Variants in IL5RA observed in about 807,000 individuals in gnomAD.
The protein encoded by IL5RA is interleukin 5 receptor subunit alpha.
IL5RA carries 49 observed loss-of-function variants against 50.0 expected under a neutral mutation model. The observed-to-expected ratio is 0.98, with a 90% CI of 0.78 to 1.24. The LOEUF (loss-of-function observed/expected upper bound fraction) is 1.24, where lower values mean the gene tolerates loss of function less well. IL5RA is among the 50% of genes most tolerant of loss of function. The pLI is 0.00. For missense variants in IL5RA, 600 were observed against 500.4 expected, an observed-to-expected ratio of 1.20 and a Z score of -1.90; for synonymous variants, 202 against 174.0, an observed-to-expected ratio of 1.16 and a Z score of -1.26.
At chr3:3,078,011 C>T (rs1187948719) in intron 9 of IL5RA, among the ~76,000 whole-genome samples, 1 of 152,124 alleles carries the variant, frequency 6.6e-6, no homozygotes, top group Non-Finnish European at 1.5e-5. Context: ...TACTGGGATT[C>T]AGTGGTCGAA....
chr3:3,090,151 A>G (rs1484201662), intron 9 of IL5RA: 2 of 1,549,502 alleles, frequency 1.3e-6, no homozygotes, highest in East Asian at 4.5e-5. Flanking sequence ...GGCAAAATAA[A>G]TAAAAATTAA....
rs1160283624 is a variant in IL5RA, at chr3:3,067,860, C to G, written c.*2365G>C. ...AGTCTGAAGTGGGCACCACACCAAG[C>G]ACTGAAGAGCTGGCCACATTTGTGG... On this transcript the variant is annotated 3_prime_UTR_variant, in exon 12 of 12. Coordinates refer to ENST00000446632, the MANE Select transcript of IL5RA (RefSeq NM_175726.4). 6.6e-6 allele frequency: 1 copy of G among 152,314 alleles called. No individual in the cohort carries two copies. Among genetic ancestry groups the G allele is most frequent in the Non-Finnish European group, 1.5e-5 (1 of 68,128 alleles). 9.4% of individuals were successfully genotyped at this position (152,314 alleles called of 1,614,324 possible). A position where few individuals can be genotyped will look rare whatever the true frequency, so the allele number is the denominator to read the frequency against.
At position 3,102,667 on chromosome 3, in the gene IL5RA, A is replaced by T; in HGVS notation, c.228+8T>A. On this transcript the variant is annotated splice_region_variant and intron_variant, in intron 4 of 11. Coordinates refer to ENST00000446632, the MANE Select transcript of IL5RA (RefSeq NM_175726.4). ...TCAATAAGGATATCCATTAGAATAA[A>T]CACTTACGTCATCTTCTTTTGGAGC... 2 of 1,558,704 alleles carry T rather than the reference A, an allele frequency of 1.3e-6. No homozygotes were observed. Among genetic ancestry groups the T allele is most frequent in the South Asian group, 1.2e-5 (1 of 85,738 alleles).
intron 8 of IL5RA, among the ~76,000 whole-genome samples, chr3:3,093,221 T>C (rs766645624): frequency 2.8e-4 from 42 of 152,180 alleles, no homozygotes; most frequent in Admixed American, 3.3e-4. Flanking sequence ...GCATTGGTCT[T>C]ATGTCCAGGC....
intron 9 of IL5RA, among the ~76,000 whole-genome samples, chr3:3,079,086 C>T (rs57638428): frequency 1.4e-4 from 21 of 152,262 alleles, no homozygotes; most frequent in African/African-American, 3.8e-4. Flanking sequence ...ATTTTAATTT[C>T]GATTGGCCCT....
Position 3,076,646 on chromosome 3 carries a change from G to A in IL5RA, c.995-19C>T, listed in dbSNP as rs1208355389. On this transcript the variant is annotated intron_variant, in intron 9 of 11. Transcript: ENST00000446632. The stretch of plus-strand genomic sequence containing the variant: ...TCATTTCCTGGTGGAAAACAAAAAA[G>A]AAACAAAAAAATATAAAGTCCAAGT... 7 of 1,517,062 alleles carry A rather than the reference G, an allele frequency of 4.6e-6. No homozygotes were observed. In the Admixed American group the frequency reaches 5.3e-5, roughly 12 times the overall value. The allele number at this position is 1,517,062 out of a possible 1,614,324, so 94.0% of individuals were successfully genotyped here. A position where few individuals can be genotyped will look rare whatever the true frequency, so the allele number is the denominator to read the frequency against.
chr3:3,076,421 A>G, intron 10 of IL5RA, 110 bp downstream of exon 10: 1 of 706,942 alleles, frequency 1.4e-6, no homozygotes, highest in Non-Finnish European at 2.4e-6. Context: ...CAAAAATGCC[A>G]CAAATTTTAC....
At chr3:3,085,087 GC>G (rs958474901) in intron 9 of IL5RA, among the ~76,000 whole-genome samples, 96 of 152,298 alleles carry the variant, frequency 6.3e-4, no homozygotes, top group African/African-American at 2.1e-3. Context: ...GAGGCAGTCC[GC>G]CCCCCCTGGT....
chr3:3,102,719 T>A lies in IL5RA; in HGVS notation c.184A>T (p.Asn62Tyr), dbSNP rs180877685. ...PNPDQEQRNV[N>Y]LEYQVKINAP... The stretch of plus-strand genomic sequence containing the variant: ...TTTATTTTCACTTGATATTCTAGAT[T>A]AACATTCCTTTGCTCTTGATCAGGA... The change falls in exon 4 of 12, where the codon AAT (asparagine) becomes TAT (tyrosine). Residue 62 changes from asparagine to tyrosine, a missense_variant. Coordinates refer to ENST00000446632, the MANE Select transcript of IL5RA (RefSeq NM_175726.4). The A allele has an allele frequency of 1.2e-6, 2 of 1,608,370 alleles. No individual in the cohort carries two copies. Among genetic ancestry groups the A allele is most frequent in the Admixed American group, 1.7e-5 (1 of 59,612 alleles).
At position 3,092,704 on chromosome 3, in the gene IL5RA, T is replaced by C. The variant is rs1488827829; in HGVS notation, c.856-342A>G. Among the ~76,000 whole-genome samples the C allele has an allele frequency of 1.3e-5, 2 of 152,228 alleles. No homozygotes were observed. The highest frequency in any genetic ancestry group is 1.9e-4 in the East Asian group (1 of 5,198). On this transcript the variant is annotated intron_variant, in intron 8 of 11. Coordinates refer to ENST00000446632, the MANE Select transcript of IL5RA (RefSeq NM_175726.4). This position sits in a 1 kb window ranked among gnomAD's most constrained non-coding sequence, Gnocchi z 4.2. Reference sequence around the variant, plus strand: ...CCTCACCTTGTCTCTCCATAATCTATAGTCACATTACTAAATAATGTCACA... The same window carrying C: ...CCTCACCTTGTCTCTCCATAATCTACAGTCACATTACTAAATAATGTCACA...
At chr3:3,106,479 T>C (rs1703926412) in intron 2 of IL5RA, among the ~76,000 whole-genome samples, 2 of 152,208 alleles carry the variant, frequency 1.3e-5, no homozygotes, top group Admixed American at 6.5e-5. Context: ...GCTTAAGTAC[T>C]GTTAATCAGA....
rs1559858771 is a variant in IL5RA at position 3,071,551 on chromosome 3, C to CTG, written c.1177-1241_1177-1240insCA. 2.1e-3 allele frequency among the ~76,000 whole-genome samples: 267 copies of CTG among 126,470 alleles called. 2 individuals are homozygous for CTG. Among genetic ancestry groups the CTG allele is most frequent in the African/African-American group, 7.7e-3 (254 of 33,102 alleles). The allele number at this position is 126,470 out of a possible 152,430, so 83.0% of individuals were successfully genotyped here. On this transcript the variant is annotated intron_variant, in intron 11 of 11. Coordinates refer to ENST00000446632, the MANE Select transcript of IL5RA (RefSeq NM_175726.4). ...GCTAAAGGCCAACTTTCTTCCTTCA[C>CTG]AGTGTGTGTGTGTGTGTGTGTGTGT...
rs778390045 is a variant in IL5RA at position 3,092,377 on chromosome 3, A to G, written c.856-15T>C. 1.2e-5 allele frequency: 20 copies of G among 1,610,804 alleles called. No homozygotes were observed. The highest frequency in any genetic ancestry group is 1.7e-5 in the Non-Finnish European group (20 of 1,178,982). ...AATTTTTCTATCTAAGTGGGGAAAG[A>G]TAGCATTAGAAGAATCTCTAGACAC... On this transcript the variant is annotated splice_polypyrimidine_tract_variant and intron_variant, in intron 8 of 11. Transcript: ENST00000446632. The surrounding 1 kb of genome is among the most constrained non-coding windows in gnomAD (Gnocchi z 4.2).
chr3:3,086,075 C>A (rs1332921976), intron 9 of IL5RA, among the ~76,000 whole-genome samples: 2 of 152,082 alleles, frequency 1.3e-5, no homozygotes, highest in African/African-American at 4.8e-5. Context: ...TCAGTGAGGT[C>A]AAAGCAAAAC....
At chr3:3,081,421 G>A (rs546657337) in intron 9 of IL5RA, among the ~76,000 whole-genome samples, 4 of 152,222 alleles carry the variant, frequency 2.6e-5, no homozygotes, top group East Asian at 1.9e-4. Context: ...TATAGACACC[G>A]GATGCAAATT....
chr3:3,076,641 A>T lies in IL5RA; in HGVS notation c.995-14T>A. 6.6e-7 allele frequency: 1 copy of T among 1,518,928 alleles called. No individual in the cohort carries two copies. The highest frequency in any genetic ancestry group is 9.1e-7 in the Non-Finnish European group (1 of 1,099,356). The allele number at this position is 1,518,928 out of a possible 1,614,324, so 94.1% of individuals were successfully genotyped here. On this transcript the variant is annotated splice_polypyrimidine_tract_variant and intron_variant, in intron 9 of 11. Coordinates refer to ENST00000446632, the MANE Select transcript of IL5RA (RefSeq NM_175726.4). Reference sequence around the variant, plus strand: ...GTTCATCATTTCCTGGTGGAAAACAAAAAAGAAACAAAAAAATATAAAGTC... The same window carrying T: ...GTTCATCATTTCCTGGTGGAAAACATAAAAGAAACAAAAAAATATAAAGTC...
At chr3:3,102,048 T>C (rs1703679062) in intron 4 of IL5RA, among the ~76,000 whole-genome samples, 1 of 152,180 alleles carries the variant, frequency 6.6e-6, no homozygotes. Context: ...ACAAGCGAAA[T>C]ATTACAGTTA....
At chr3:3,091,772 A>G (rs1465899391) in intron 9 of IL5RA, 1 of 158,822 alleles carries the variant, frequency 6.3e-6, no homozygotes, top group Non-Finnish European at 1.4e-5. Flanking sequence ...AGGACATATA[A>G]AATTGATGAA....
intron 7 of IL5RA, among the ~76,000 whole-genome samples, 187 bp downstream of exon 7, chr3:3,097,683 G>C (rs1193790790): frequency 6.6e-6 from 1 of 152,130 alleles, no homozygotes; most frequent in African/African-American, 2.4e-5. Flanking sequence ...CCATAACACA[G>C]AGTTGTCCAG....
Sources: gnomAD v4.1 joint callset for allele counts (sites outside exome capture counted in the v4.1 genomes callset) on GRCh38, gnomAD v4.1.1 for gene constraint, Gnocchi (gnomAD v3.1) non-coding constraint, MANE v1.5 for transcripts, NCBI Gene and HGNC (gene_info 2026-07-23, HGNC 2026-07-21) for gene names.